The following USP34 variants were observed in gnomAD, a reference collection of about 807,000 sequenced individuals.
USP34 encodes ubiquitin carboxyl-terminal hydrolase 34.
Under a neutral mutation model 460.3 loss-of-function variants are expected in USP34, and 70 were observed. That is an observed-to-expected ratio of 0.15 (90% CI 0.13 to 0.19). The LOEUF is 0.19. Ranked by LOEUF, USP34 falls within the 10% of genes least tolerant of loss-of-function variation. The probability of loss-of-function intolerance (pLI) is 1.00; values close to 1 mark genes in which losing one functional copy is unlikely to be tolerated. For synonymous variants in USP34, 1,647 were observed against 1,405.3 expected, an observed-to-expected ratio of 1.17 and a Z score of -3.85; for missense variants, 3,985 against 4,236.2, an observed-to-expected ratio of 0.94 and a Z score of 1.65.
chr2:61,329,488 T>A (rs1486476447), intron 20 of USP34, among the ~76,000 whole-genome samples: 9 of 152,216 alleles, frequency 5.9e-5, no homozygotes, highest in Non-Finnish European at 1.3e-4. Flanking sequence ...GAGGGAACTT[T>A]GTAAGCAAAG....
intron 30 of USP34, among the ~76,000 whole-genome samples, chr2:61,295,926 A>T (rs1690012903): frequency 6.6e-6 from 1 of 152,188 alleles, no homozygotes; most frequent in African/African-American, 2.4e-5. Flanking sequence ...GTTCTTTCGG[A>T]GATGTCCTCA....
In USP34 at chr2:61,443,133, A is replaced by G. The variant is rs138817973; in HGVS notation, c.44-22300T>C. ...AGAACAGAGGATACAAGAAGGTGGA[A>G]AGGACAGGGGAAAGGGAAGAATAGG... On this transcript the variant is annotated intron_variant, in intron 1 of 79. Transcript: ENST00000398571. 3.4e-3 allele frequency among the ~76,000 whole-genome samples: 520 copies of G among 152,326 alleles called. 2 individuals carry two copies. The highest frequency in any genetic ancestry group is 0.02 in the Middle Eastern group (6 of 294).
intron 41 of USP34, among the ~76,000 whole-genome samples, chr2:61,277,447 G>A (rs1214608498): frequency 6.6e-6 from 1 of 151,930 alleles, no homozygotes; most frequent in Non-Finnish European, 1.5e-5. Context: ...ATGTTGCCTT[G>A]GCTGGTCTCG....
chr2:61,357,928 C>T lies in USP34; in HGVS notation c.1252-7235G>A, dbSNP rs553000710. 3.8e-3 allele frequency among the ~76,000 whole-genome samples: 576 copies of T among 152,174 alleles called. 1 individual carries two copies. Among genetic ancestry groups the T allele is most frequent in the Non-Finnish European group, 6.7e-3 (458 of 68,014 alleles). ...AGAATGGGCCGGGCGTGGTGGCTCACGTCTGTAATCCCAGCACTTTGGGAG... is the reference window on the plus strand; with the variant it reads ...AGAATGGGCCGGGCGTGGTGGCTCATGTCTGTAATCCCAGCACTTTGGGAG... On this transcript the variant is annotated intron_variant, in intron 10 of 79. Coordinates refer to ENST00000398571, the MANE Select transcript of USP34 (RefSeq NM_014709.4).
chr2:61,292,063 G>A (rs981325148), intron 33 of USP34, among the ~76,000 whole-genome samples: 1 of 152,122 alleles, frequency 6.6e-6, no homozygotes, highest in Admixed American at 6.6e-5. Context: ...GGGCTAAAGC[G>A]TTTAGGGGGA....
At chr2:61,394,387 C>A (rs999521533) in intron 5 of USP34, among the ~76,000 whole-genome samples, 6 of 151,904 alleles carry the variant, frequency 3.9e-5, no homozygotes, top group African/African-American at 1.5e-4. Context: ...TGGTAAAACT[C>A]TGTCTCTAAA....
At chr2:61,395,144 A>T in intron 4 of USP34, 39 bp downstream of exon 4, 1 of 1,479,816 alleles carries the variant, frequency 6.8e-7, no homozygotes, top group Non-Finnish European at 9.2e-7. Context: ...TTAAAAAAAT[A>T]AAATTTTCCA....
intron 1 of USP34, among the ~76,000 whole-genome samples, chr2:61,452,686 C>A (rs1384395438): frequency 6.6e-6 from 1 of 151,610 alleles, no homozygotes; most frequent in Non-Finnish European, 1.5e-5. Context: ...GAGTTCGAGA[C>A]CCACCTGGGA....
chr2:61,225,871 C>T lies in USP34; in HGVS notation c.7595+1196G>A, dbSNP rs78748799. On this transcript the variant is annotated intron_variant, in intron 62 of 79. Coordinates refer to ENST00000398571, the MANE Select transcript of USP34 (RefSeq NM_014709.4). ...ACTCATATGAATGAAATGTGTCTAA[C>T]ACGTATTTTCCCTATAAGTCATATC... Among the ~76,000 whole-genome samples the T allele has an allele frequency of 6.6e-5, 10 of 152,282 alleles. No homozygotes were observed. In the East Asian group the frequency reaches 1.9e-3, roughly 29 times the overall value.
intron 3 of USP34, among the ~76,000 whole-genome samples, chr2:61,395,772 C>CGAG (rs1227631668): frequency 3.7e-5 from 4 of 108,540 alleles, no homozygotes; most frequent in African/African-American, 1.6e-4. Flanking sequence ...GGCGACAGAA[C>CGAG]GAGACTCCGT....
intron 75 of USP34, among the ~76,000 whole-genome samples, chr2:61,196,929 T>C (rs1686827102): frequency 6.6e-6 from 1 of 152,176 alleles, no homozygotes; most frequent in Non-Finnish European, 1.5e-5. Flanking sequence ...TTTTATGATC[T>C]CTAATCACTT....
chr2:61,405,634 AT>A (rs1039389302), intron 3 of USP34, 73 bp downstream of exon 3: 13 of 1,309,920 alleles, frequency 9.9e-6, no homozygotes, highest in Non-Finnish European at 1.3e-5. Flanking sequence ...CTGTCTTCAT[AT>A]TTATCAGTAA....
chr2:61,223,580 T>A (rs1158341045), intron 62 of USP34: 4 of 288,498 alleles, frequency 1.4e-5, no homozygotes, highest in East Asian at 7.3e-5. Flanking sequence ...TTACTTTTTT[T>A]TTTTTTTGAC....
chr2:61,325,503 A>T, intron 20 of USP34, 46 bp from the exon 21 acceptor site: 2 of 1,298,626 alleles, frequency 1.5e-6, no homozygotes, highest in Non-Finnish European at 2.1e-6. Flanking sequence ...CTATTTCTTA[A>T]TTACTTTTAA....
At chr2:61,203,407 A>T in intron 74 of USP34, 144 bp from the exon 75 acceptor site, 1 of 765,734 alleles carries the variant, frequency 1.3e-6, no homozygotes, top group East Asian at 3.3e-5. Context: ...AATTTCTAGT[A>T]ATGTTATGAT....
In USP34 at chr2:61,196,174, G is replaced by A. The variant is rs1270904902; in HGVS notation, c.9509-3194C>T. Among the ~76,000 whole-genome samples, 43 of 134,710 alleles carry A rather than the reference G, an allele frequency of 3.2e-4. 1 individual carries two copies. Among genetic ancestry groups the A allele is most frequent in the Admixed American group, 6.2e-4 (7 of 11,202 alleles). 88.4% of individuals were successfully genotyped at this position (134,710 alleles called of 152,430 possible). ...CGGCTCACTGCAGCCTCCACCTCCC[G>A]GGTTCATGCCATTCTCCTGCCCCAG... On this transcript the variant is annotated intron_variant, in intron 75 of 79. Transcript: ENST00000398571.
chr2:61,333,971 T>C lies in USP34; in HGVS notation c.2745A>G (p.Arg915=), dbSNP rs765479027. 2 of 1,566,744 alleles carry C rather than the reference T, an allele frequency of 1.3e-6. No homozygotes were observed. Among genetic ancestry groups the C allele is most frequent in the Non-Finnish European group, 8.6e-7 (1 of 1,160,068 alleles). ...GAAGACGAAGTGAAATTACTACTGA[T>C]CTGAAACAGCAGAAACATTCACAAA... ...EGCLENLGNN[R]SVVISLRLLP... Residue 915 remains arginine (R), a splice_region_variant and synonymous_variant, in exon 19 of 80, where the codon AGA becomes AGG. Transcript: ENST00000398571.
chr2:61,264,908 A>G (rs1336854189), intron 43 of USP34, among the ~76,000 whole-genome samples: 2 of 152,032 alleles, frequency 1.3e-5, no homozygotes, highest in East Asian at 3.8e-4. Flanking sequence ...AAGAATGAAA[A>G]CTAGAAAGTG....
At chr2:61,469,863 T>A (rs1695895508) in intron 1 of USP34, among the ~76,000 whole-genome samples, 1 of 152,036 alleles carries the variant, frequency 6.6e-6, no homozygotes, top group Non-Finnish European at 1.5e-5. Context: ...GGGTCGAGAA[T>A]AAAATAAAAA....
Sources: allele counts gnomAD v4.1 joint callset (sites outside exome capture counted in the v4.1 genomes callset), GRCh38; gene constraint gnomAD v4.1.1; transcripts MANE v1.5; gene names NCBI Gene and HGNC (gene_info 2026-07-23, HGNC 2026-07-21).